The following LTBP1 variants were observed in gnomAD, a reference collection of about 807,000 sequenced individuals.
The protein encoded by LTBP1 is latent transforming growth factor beta binding protein 1.
Under a neutral mutation model 207.6 loss-of-function variants are expected in LTBP1, and 129 were observed. The ratio of observed to expected loss-of-function variants is 0.62; its 90% CI spans 0.54 to 0.72. The LOEUF is 0.72. Ranked by LOEUF, LTBP1 falls within the 30% of genes least tolerant of loss-of-function variation. The pLI is 0.00. For missense variants in LTBP1, 2,281 were observed against 2,217.2 expected (o/e 1.03, Z -0.58); for synonymous variants, 963 against 833.7 (o/e 1.16, Z -2.67).
At chr2:32,973,114 G>T (rs1681156476) in intron 2 of LTBP1, among the ~76,000 whole-genome samples, 1 of 151,716 alleles carries the variant, frequency 6.6e-6, no homozygotes, top group South Asian at 2.1e-4. Flanking sequence ...TGTCTATTCT[G>T]TTTTTTTTGT....
chr2:33,396,196 G>GTGTTT (rs1289918242), intron 32 of LTBP1, among the ~76,000 whole-genome samples: 1 of 151,328 alleles, frequency 6.6e-6, no homozygotes, highest in Non-Finnish European at 1.5e-5. Context: ...GTGTGTGTGT[G>GTGTTT]TGTTTTGTTT....
rs201526279 is a variant in LTBP1, at chr2:33,153,915, G to A, written c.1201+18955G>A. On this transcript the variant is annotated intron_variant, in intron 5 of 33. Coordinates refer to ENST00000404816, the MANE Select transcript of LTBP1 (RefSeq NM_206943.4). ...CCATTTTCCTTTAGGAAACTGGGGG[G>A]TGGAGGAAAAGTTGGGGTTTTATTC... Among the ~76,000 whole-genome samples, 3 of 152,174 alleles carry A rather than the reference G, an allele frequency of 2.0e-5. No homozygotes were observed. In the East Asian group the frequency reaches 5.8e-4, roughly 29 times the overall value.
intron 5 of LTBP1, among the ~76,000 whole-genome samples, chr2:33,173,511 C>G (rs1572974651): frequency 6.6e-6 from 1 of 152,154 alleles, no homozygotes; most frequent in African/African-American, 2.4e-5. Context: ...TGGCAATAAT[C>G]ACTAGCTTAC....
Position 33,021,118 on chromosome 2 carries a change from A to G in LTBP1, c.775A>G (p.Thr259Ala), listed in dbSNP as rs1432516728. The G allele has an allele frequency of 4.3e-6, 7 of 1,613,792 alleles. No individual in the cohort carries two copies. The highest frequency in any genetic ancestry group is 3.4e-6 in the Non-Finnish European group (4 of 1,179,978). ...GCATACTTCATCTAAGAAGGCAGAC[A>G]CTCTACCAAGAGTCAGCCCTGTGGC... ...AKHTSSKKAD[T>A]LPRVSPVAQM... The change falls in exon 3 of 34, where the codon ACT becomes GCT. Residue 259 changes from threonine (T) to alanine (A), a missense_variant. Physicochemically the swap from Thr to Ala is moderately conservative, Grantham distance 58. Around this residue, in one of 3 missense-constraint regions of LTBP1, gnomAD observed 555 missense variants for 491.0 expected, o/e 1.13. Coordinates refer to ENST00000404816, the MANE Select transcript of LTBP1 (RefSeq NM_206943.4).
At chr2:33,016,231 AG>A (rs1688360743) in intron 2 of LTBP1, among the ~76,000 whole-genome samples, 1 of 152,166 alleles carries the variant, frequency 6.6e-6, no homozygotes, top group Non-Finnish European at 1.5e-5. Context: ...GAGCTTCTGC[AG>A]GGGTAGACCA....
chr2:33,289,551 A>G (rs993137422), intron 19 of LTBP1, among the ~76,000 whole-genome samples: 3 of 152,190 alleles, frequency 2.0e-5, no homozygotes, highest in Admixed American at 6.5e-5. Context: ...TTGTGTGTGG[A>G]GACAGGGGCT....
At chr2:33,307,725 C>G (rs144720884) in intron 22 of LTBP1, among the ~76,000 whole-genome samples, 10 of 152,104 alleles carry the variant, frequency 6.6e-5, no homozygotes, top group African/African-American at 2.4e-4. Flanking sequence ...TGAGAACCTG[C>G]CTTAGTTGAG....
chr2:33,278,088 T>C (rs1477799916), intron 18 of LTBP1, among the ~76,000 whole-genome samples: 2 of 151,776 alleles, frequency 1.3e-5, no homozygotes, highest in African/African-American at 2.4e-5. Flanking sequence ...AGCCTCAGCC[T>C]CCCAAAGTGC....
At chr2:33,129,017 G>T (rs79898688) in intron 4 of LTBP1, among the ~76,000 whole-genome samples, 9,961 of 152,148 alleles carry the variant, frequency 0.065, 423 homozygotes, top group African/African-American at 0.11. Context: ...AGACAGGTGA[G>T]TTTTAAAAGT....
At chr2:33,170,295 C>A (rs1457529991) in intron 5 of LTBP1, among the ~76,000 whole-genome samples, 2 of 151,292 alleles carry the variant, frequency 1.3e-5, no homozygotes, top group East Asian at 2.0e-4. Flanking sequence ...CGGGTCACTC[C>A]CACCCTAATA....
chr2:32,970,446 G>A (rs533022708), intron 2 of LTBP1, among the ~76,000 whole-genome samples: 1 of 152,258 alleles, frequency 6.6e-6, no homozygotes, highest in African/African-American at 2.4e-5. Context: ...TATGGTGTAA[G>A]GAAGGGGTTC....
chr2:33,287,056 A>G (rs1238175011), intron 19 of LTBP1, among the ~76,000 whole-genome samples: 1 of 152,204 alleles, frequency 6.6e-6, no homozygotes, highest in Non-Finnish European at 1.5e-5. Context: ...CGTTGTGCAC[A>G]TGTACCCTAA....
chr2:33,231,690 G>C (rs2091798995), intron 9 of LTBP1, among the ~76,000 whole-genome samples: 1 of 152,122 alleles, frequency 6.6e-6, no homozygotes, highest in Non-Finnish European at 1.5e-5. Flanking sequence ...AGCCTGCCTG[G>C]CTGGAGAAAA....
At chr2:33,286,956 A>G (rs1573627278) in intron 19 of LTBP1, among the ~76,000 whole-genome samples, 1 of 152,352 alleles carries the variant, frequency 6.6e-6, no homozygotes, top group Non-Finnish European at 1.5e-5. Context: ...GGGAAGAGAT[A>G]GCATTAGGAG....
chr2:33,281,151 A>T (rs980855712), intron 19 of LTBP1, among the ~76,000 whole-genome samples: 1 of 152,186 alleles, frequency 6.6e-6, no homozygotes, highest in African/African-American at 2.4e-5. Context: ...GGAAAAACTG[A>T]TATGACCCCT....
chr2:33,095,820 TTTAA>T (rs1397406799), intron 3 of LTBP1, among the ~76,000 whole-genome samples: 3 of 152,100 alleles, frequency 2.0e-5, no homozygotes, highest in African/African-American at 7.2e-5. Flanking sequence ...ATATTAATTA[TTTAA>T]TCTAGAAAAC....
At chr2:33,151,648 T>C (rs1193557185) in intron 5 of LTBP1, among the ~76,000 whole-genome samples, 4 of 152,152 alleles carry the variant, frequency 2.6e-5, no homozygotes, top group African/African-American at 9.7e-5. Context: ...TAAAGTCCAT[T>C]GTATTATTCT....
intron 2 of LTBP1, among the ~76,000 whole-genome samples, chr2:32,958,586 G>T (rs1290116145): frequency 1.3e-5 from 2 of 152,308 alleles, no homozygotes; most frequent in East Asian, 3.9e-4. Flanking sequence ...CAGTACAAGT[G>T]CCACAGTACA....
intron 7 of LTBP1, among the ~76,000 whole-genome samples, chr2:33,196,584 T>A (rs1014087546): frequency 1.3e-5 from 2 of 152,100 alleles, no homozygotes; most frequent in Admixed American, 6.6e-5. Context: ...AGCATCAGGA[T>A]TGCGTTACAG....
Sources: allele counts gnomAD v4.1 joint callset (sites outside exome capture counted in the v4.1 genomes callset), GRCh38; gene constraint gnomAD v4.1.1; regional missense constraint gnomAD v4.1.1; transcripts MANE v1.5; gene names NCBI Gene and HGNC (gene_info 2026-07-23, HGNC 2026-07-21).